ZNF726: variants seen among roughly 807,000 people sequenced by gnomAD.
The protein encoded by ZNF726 is zinc finger protein 726, also known as zinc finger protein 92 pseudogene 3.
A neutral mutation model predicts 11.6 loss-of-function variants in ZNF726; 15 were observed. That is an observed-to-expected ratio of 1.29 (90% CI 0.86 to 1.99). The LOEUF (loss-of-function observed/expected upper bound fraction) is 1.99. Among genes scored for constraint, ZNF726 ranks in the 30% most tolerant of loss-of-function variants. The pLI, the probability that ZNF726 is intolerant of heterozygous loss-of-function variation, is 0.00. For missense variants in ZNF726, 890 were observed against 725.6 expected (o/e 1.23, Z -2.60); for synonymous variants, 295 against 243.6 (o/e 1.21, Z -1.96).
In ZNF726 at chr19:23,920,186, G is replaced by A. The variant is rs577363951; in HGVS notation, c.226+104G>A. ...GGAAAGCTGCATTCCAAAGGAAACC[G>A]TTTCTGGAAAGCCTGAAATTTAAAA... On this transcript the variant is annotated intron_variant, in intron 3 of 3. Coordinates refer to ENST00000594466, the MANE Select transcript of ZNF726 (RefSeq NM_001244038.2). 1.6e-4 allele frequency: 125 copies of A among 770,570 alleles called. 4 individuals carry two copies. The highest frequency in any genetic ancestry group is 1.2e-3 in the South Asian group (77 of 65,512). The allele number at this position is 770,570 out of a possible 1,614,324, so 47.7% of individuals were successfully genotyped here.
At chr19:23,943,046 G>GAC (rs1968363206) in intron 3 of ZNF726, among the ~76,000 whole-genome samples, 1 of 152,134 alleles carries the variant, frequency 6.6e-6, no homozygotes, top group Admixed American at 6.5e-5. Context: ...GAGGGGAATG[G>GAC]AGTCGTGCTC....
chr19:23,932,798 C>G lies in ZNF726; in HGVS notation c.682C>G (p.Pro228Ala), dbSNP rs1216028929. 6.8e-6 allele frequency: 11 copies of G among 1,610,966 alleles called. No individual in the cohort carries two copies. Among genetic ancestry groups the G allele is most frequent in the Non-Finnish European group, 9.3e-6 (11 of 1,178,798 alleles). ...TAAGAAAACTCATACTGAAGAAAAG[C>G]CCTACAAATGTGAAGAATATGGCAA... The part of the protein sequence containing the change: ...NHKKTHTEEK[P>A]YKCEEYGKAF... Residue 228 changes from proline to alanine, a missense_variant, in exon 4 of 4, where the codon CCC becomes GCC. Physicochemically the swap from Pro to Ala is conservative, Grantham distance 27. Coordinates refer to ENST00000594466, the MANE Select transcript of ZNF726 (RefSeq NM_001244038.2).
Position 23,933,779 on chromosome 19 carries a change from CATAAG to C in ZNF726, c.1668_1672del (p.Lys556AsnfsTer11), listed in dbSNP as rs751387166. 1.2e-6 allele frequency: 2 copies of C among 1,608,062 alleles called. No individual in the cohort carries two copies. The highest frequency in any genetic ancestry group is 1.7e-6 in the Non-Finnish European group (2 of 1,178,398). On this transcript the variant is annotated frameshift_variant, in exon 4 of 4. Coordinates refer to ENST00000594466, the MANE Select transcript of ZNF726 (RefSeq NM_001244038.2). LOFTEE classifies it low-confidence loss of function (END_TRUNC). ...TAATCAATCCTCAAATCTTAGTACA[CATAAG>C]ATAATTCATACTGGAGAGAAACCTT...
intron 3 of ZNF726, among the ~76,000 whole-genome samples, chr19:23,922,727 A>G (rs1053845700): frequency 6.6e-6 from 1 of 152,146 alleles, no homozygotes; most frequent in African/African-American, 2.4e-5. Flanking sequence ...AAAGGCATTT[A>G]TTTTTGAGAT....
At chr19:23,930,435 A>T (rs1480396260) in intron 3 of ZNF726, among the ~76,000 whole-genome samples, 1 of 152,118 alleles carries the variant, frequency 6.6e-6, no homozygotes, top group Non-Finnish European at 1.5e-5. Context: ...CCACACATCC[A>T]TTAATTGTGT....
chr19:23,938,146 A>T (rs916271499), downstream of ZNF726, among the ~76,000 whole-genome samples: 1 of 152,214 alleles, frequency 6.6e-6, no homozygotes, highest in Non-Finnish European at 1.5e-5. Flanking sequence ...TAAATTGCCA[A>T]TAAGTTAAAG....
At chr19:23,925,713 C>CTTTTTTTT (rs1207103965) in intron 3 of ZNF726, among the ~76,000 whole-genome samples, 1 of 112,602 alleles carries the variant, frequency 8.9e-6, no homozygotes, top group Non-Finnish European at 1.8e-5. Flanking sequence ...TTTTTCTTTT[C>CTTTTTTTT]TTTTTTTTTT....
chr19:23,931,325 A>T (rs1283069066), intron 3 of ZNF726, among the ~76,000 whole-genome samples: 1 of 152,078 alleles, frequency 6.6e-6, no homozygotes, highest in East Asian at 1.9e-4. Flanking sequence ...AACTTTTAGG[A>T]TCTGTCAGTT....
intron 3 of ZNF726, among the ~76,000 whole-genome samples, chr19:23,926,667 G>T (rs1967996744): frequency 6.6e-6 from 1 of 151,596 alleles, no homozygotes; most frequent in African/African-American, 2.4e-5. Context: ...TATCGTTATG[G>T]ATGTTCAGCT....
chr19:23,935,217 A>C (rs753057337), downstream of ZNF726: 4 of 445,278 alleles, frequency 9.0e-6, no homozygotes, highest in African/African-American at 4.0e-5. Flanking sequence ...CAGGTTTCCC[A>C]TGGAATGTGG....
At chr19:23,922,815 T>C (rs1023243169) in intron 3 of ZNF726, among the ~76,000 whole-genome samples, 1 of 152,162 alleles carries the variant, frequency 6.6e-6, no homozygotes, top group African/African-American at 2.4e-5. Context: ...TACCATGTAG[T>C]TTTCATTACA....
exon 4 of ZNF726, chr19:23,943,518 T>C (rs1365617772): frequency 3.0e-6 from 2 of 667,292 alleles, no homozygotes; most frequent in African/African-American, 1.8e-5. Context: ...AACCCTGATC[T>C]GATCTCCTGC....
At chr19:23,935,610 C>G, downstream of ZNF726, 1 of 316,056 alleles carries the variant, frequency 3.2e-6, no homozygotes, top group Non-Finnish European at 6.2e-6. Context: ...AATCATGCTG[C>G]TGACAAATCC....
intron 3 of ZNF726, among the ~76,000 whole-genome samples, chr19:23,939,522 C>T (rs929433841): frequency 1.3e-5 from 2 of 152,154 alleles, no homozygotes; most frequent in African/African-American, 4.8e-5. Context: ...GACTTCTTTT[C>T]CTGTGGGTAG....
At chr19:23,929,270 A>T (rs1968053603) in intron 3 of ZNF726, 1 of 152,214 alleles carries the variant, frequency 6.6e-6, no homozygotes, top group South Asian at 2.1e-4. Flanking sequence ...GTTTCTATAA[A>T]TATTATCTTC....
downstream of ZNF726, among the ~76,000 whole-genome samples, chr19:23,938,981 C>A (rs1352094648): frequency 6.6e-6 from 1 of 151,344 alleles, no homozygotes. Flanking sequence ...TTTTTAATTT[C>A]ATTGTTCCAT....
chr19:23,939,382 G>A (rs1171135632), downstream of ZNF726, among the ~76,000 whole-genome samples: 3 of 152,152 alleles, frequency 2.0e-5, no homozygotes, highest in African/African-American at 7.2e-5. Flanking sequence ...GGGCATTTTG[G>A]TTGGTTCCAC....
At chr19:23,923,327 A>G (rs1967899902) in intron 3 of ZNF726, 2 of 371,424 alleles carry the variant, frequency 5.4e-6, no homozygotes, top group Admixed American at 4.1e-5. Flanking sequence ...CTTATCTATT[A>G]AAAGTTTCTC....
At chr19:23,931,626 G>A (rs1968108031) in intron 3 of ZNF726, among the ~76,000 whole-genome samples, 1 of 151,954 alleles carries the variant, frequency 6.6e-6, no homozygotes, top group Non-Finnish European at 1.5e-5. Context: ...TTTATAATGT[G>A]GCTTTGTCCT....
Sources: gnomAD v4.1 joint callset for allele counts (sites outside exome capture counted in the v4.1 genomes callset) on GRCh38, gnomAD v4.1.1 for gene constraint, MANE v1.5 for transcripts, NCBI Gene and HGNC (gene_info 2026-07-23, HGNC 2026-07-21) for gene names.